Variants in CADPS observed in about 807,000 individuals in gnomAD.
CADPS encodes calcium dependent secretion activator.
In CADPS, 57 loss-of-function variants were observed where a neutral mutation model predicts 167.3. The observed-to-expected ratio is 0.34, with a 90% CI of 0.28 to 0.42. The LOEUF (loss-of-function observed/expected upper bound fraction) is 0.42. Among genes scored for constraint, CADPS ranks in the 20% least tolerant of loss-of-function variants. CADPS has a pLI of 1.00. For missense variants in CADPS, 1,414 were observed against 1,738.1 expected (o/e 0.81, Z 3.32); for synonymous variants, 676 against 635.3 (o/e 1.06, Z -0.96).
intron 9 of CADPS, among the ~76,000 whole-genome samples, chr3:62,567,892 T>G (rs1470472360): frequency 6.6e-6 from 1 of 152,134 alleles, no homozygotes; most frequent in Admixed American, 6.6e-5. Context: ...CCTCTTGATG[T>G]GTCTTGTCTT....
In CADPS at chr3:62,653,301, G is replaced by A. The variant is rs191685918; in HGVS notation, c.970-2221C>T. ...CTAGTGCCTGTATAAAGGAGGCCTC[G>A]GAGAGCTGCTCATTTGTTCCTGCCA... is the stretch of plus-strand genomic sequence containing the variant. On this transcript the variant is annotated intron_variant, in intron 4 of 29. Transcript: ENST00000383710. Among the ~76,000 whole-genome samples the A allele has an allele frequency of 2.6e-5, 4 of 152,154 alleles. No individual in the cohort carries two copies. The East Asian group carries it at 5.8e-4, about 22-fold the overall frequency.
At chr3:62,840,023 CT>C (rs1375863222) in intron 1 of CADPS, among the ~76,000 whole-genome samples, 1 of 152,098 alleles carries the variant, frequency 6.6e-6, no homozygotes, top group East Asian at 1.9e-4. Context: ...TTGAATTAAA[CT>C]GAGTAAGACA....
intron 6 of CADPS, among the ~76,000 whole-genome samples, chr3:62,597,170 T>G (rs968422755): frequency 1.3e-5 from 2 of 152,032 alleles, no homozygotes; most frequent in Non-Finnish European, 2.9e-5. Context: ...GCTTTTTATT[T>G]TTTCTACAAA....
At chr3:62,630,596 C>A (rs2065091180) in intron 6 of CADPS, among the ~76,000 whole-genome samples, 1 of 152,028 alleles carries the variant, frequency 6.6e-6, no homozygotes, top group Non-Finnish European at 1.5e-5. Context: ...TTCAAGCGAC[C>A]CACACACCTG....
chr3:62,751,899 A>C (rs1354047443), intron 3 of CADPS, among the ~76,000 whole-genome samples: 2 of 151,746 alleles, frequency 1.3e-5, no homozygotes, highest in East Asian at 2.1e-4. Context: ...CAATTCAACA[A>C]GTGCAAAAAC....
At chr3:62,621,492 G>A (rs1266617991) in intron 6 of CADPS, among the ~76,000 whole-genome samples, 2 of 152,062 alleles carry the variant, frequency 1.3e-5, no homozygotes, top group African/African-American at 2.4e-5. Context: ...ATATTATTTT[G>A]TAATTTTAAA....
intron 10 of CADPS, among the ~76,000 whole-genome samples, chr3:62,556,082 AT>A (rs1048669591): frequency 1.3e-5 from 2 of 152,104 alleles, no homozygotes; most frequent in Non-Finnish European, 2.9e-5. Context: ...GACTGAATCT[AT>A]TTTTTTGAAG....
chr3:62,576,813 A>AAAAAAAAAAAAG (rs1562375615), intron 8 of CADPS, among the ~76,000 whole-genome samples: 3 of 149,404 alleles, frequency 2.0e-5, no homozygotes, highest in African/African-American at 7.5e-5. Flanking sequence ...AAAAAAAAAA[A>AAAAAAAAAAAAG]AAAAGCAGTC....
rs2076182545 is a variant in CADPS at position 62,723,479 on chromosome 3, C to T, written c.888+29962G>A. Among the ~76,000 whole-genome samples the T allele has an allele frequency of 2.6e-5, 4 of 152,120 alleles. No individual in the cohort carries two copies. The South Asian group carries it at 8.3e-4, about 32-fold the overall frequency. ...GGCTCACCTCTGCTGTCTGAATATA[C>T]ATGAGCTAGACTCTACTATGCATTT... On this transcript the variant is annotated intron_variant, in intron 3 of 29. Coordinates refer to ENST00000383710, the MANE Select transcript of CADPS (RefSeq NM_003716.4).
intron 3 of CADPS, among the ~76,000 whole-genome samples, chr3:62,691,899 T>G (rs2079193418): frequency 6.6e-6 from 1 of 152,116 alleles, no homozygotes; most frequent in African/African-American, 2.4e-5. Flanking sequence ...GGAACAAACC[T>G]GCACATCCTG....
intron 23 of CADPS, among the ~76,000 whole-genome samples, chr3:62,477,332 A>C (rs142277955): frequency 0.022 from 3,209 of 147,786 alleles, 43 homozygotes; most frequent in Non-Finnish European, 0.027. Flanking sequence ...TTTTTTTTGA[A>C]TGAGGAAAAA....
chr3:62,840,317 G>A (rs1359374640), intron 1 of CADPS, among the ~76,000 whole-genome samples: 6 of 151,916 alleles, frequency 3.9e-5, no homozygotes, highest in Admixed American at 6.6e-5. Context: ...ATACAAATCC[G>A]ACATCATACT....
rs575013946 is a variant in CADPS, at chr3:62,828,729, T to C, written c.441+45860A>G. On this transcript the variant is annotated intron_variant, in intron 1 of 29. Transcript: ENST00000383710. ...TAACATGTAAATATATACCAGCAGA[T>C]TTAAAAAAATTATCTTCGACTTATT... 2.0e-5 allele frequency among the ~76,000 whole-genome samples: 3 copies of C among 152,162 alleles called. No homozygotes were observed. In the South Asian group the frequency reaches 6.2e-4, roughly 32 times the overall value.
At chr3:62,853,623 TA>T (rs71126559) in intron 1 of CADPS, among the ~76,000 whole-genome samples, 3,473 of 118,204 alleles carry the variant, frequency 0.029, 57 homozygotes, top group South Asian at 0.074. Context: ...AAAACTCCAC[TA>T]AAAAAAAAAA....
intron 3 of CADPS, among the ~76,000 whole-genome samples, chr3:62,669,030 C>CT (rs1419850968): frequency 2.0e-5 from 3 of 152,186 alleles, no homozygotes; most frequent in Non-Finnish European, 4.4e-5. Flanking sequence ...CTTTGCTGGC[C>CT]TATAATCAGT....
chr3:62,554,139 CTT>C (rs2077740975), intron 10 of CADPS, among the ~76,000 whole-genome samples: 1 of 152,152 alleles, frequency 6.6e-6, no homozygotes, highest in Non-Finnish European at 1.5e-5. Context: ...GATTAATATT[CTT>C]TTATTTGAAG....
At chr3:62,435,040 C>T (rs764461838) in intron 28 of CADPS, among the ~76,000 whole-genome samples, 5 of 152,092 alleles carry the variant, frequency 3.3e-5, no homozygotes, top group East Asian at 3.8e-4. Context: ...CAAACAATCT[C>T]GGAGATATAT....
At chr3:62,797,365 T>A (rs2093488830) in intron 1 of CADPS, among the ~76,000 whole-genome samples, 1 of 152,116 alleles carries the variant, frequency 6.6e-6, no homozygotes, top group Non-Finnish European at 1.5e-5. Flanking sequence ...TCCCAGCACT[T>A]TGCATGCAGT....
chr3:62,842,408 T>C (rs1412962581), intron 1 of CADPS, among the ~76,000 whole-genome samples: 1 of 152,138 alleles, frequency 6.6e-6, no homozygotes, highest in African/African-American at 2.4e-5. Context: ...CATTATGGAG[T>C]GAGGATTTTC....
Sources: allele counts gnomAD v4.1 joint callset (sites outside exome capture counted in the v4.1 genomes callset), GRCh38; gene constraint gnomAD v4.1.1; transcripts MANE v1.5; gene names NCBI Gene and HGNC (gene_info 2026-07-23, HGNC 2026-07-21).